The following TSHZ1 variants were observed in gnomAD, a reference collection of about 807,000 sequenced individuals.
TSHZ1 encodes teashirt zinc finger homeobox 1.
Under a neutral mutation model 67.1 loss-of-function variants are expected in TSHZ1, and 12 were observed. That is an observed-to-expected ratio of 0.18 (90% CI 0.11 to 0.29). TSHZ1 has a LOEUF of 0.29. TSHZ1 is among the 10% of genes least tolerant of loss of function. TSHZ1 has a pLI of 1.00. For synonymous variants in TSHZ1, 632 were observed against 622.4 expected, an observed-to-expected ratio of 1.02 and a Z score of -0.23; for missense variants, 1,305 against 1,413.9, an observed-to-expected ratio of 0.92 and a Z score of 1.23.
At chr18:75,271,950 C>T (rs1357885897) in intron 1 of TSHZ1, among the ~76,000 whole-genome samples, 1 of 152,198 alleles carries the variant, frequency 6.6e-6, no homozygotes, top group African/African-American at 2.4e-5. Flanking sequence ...TCTCCGCTCG[C>T]TTCCTGTAAA....
chr18:75,261,054 G>A (rs529619015), intron 1 of TSHZ1, among the ~76,000 whole-genome samples: 2 of 152,066 alleles, frequency 1.3e-5, no homozygotes, highest in African/African-American at 4.8e-5. Flanking sequence ...TATCACTTCC[G>A]CTCACGTTTC....
rs372370942 is a variant in TSHZ1, at chr18:75,286,187, A to G, written c.780A>G (p.Glu260=). The part of the protein sequence containing the change: ...DCSAAYDTLV[E]LTVHMNETGH... ...GTGCCGCGTACGACACGCTGGTGGA[A>G]CTGACGGTGCACATGAACGAGACAG... Residue 260 remains glutamate, a synonymous_variant, in exon 2 of 2, where the codon GAA becomes GAG. Transcript: ENST00000580243. The surrounding 1 kb of genome is among the most constrained non-coding windows in gnomAD (Gnocchi z 5.1). 294 of 1,613,992 alleles carry G rather than the reference A, an allele frequency of 1.8e-4. No individual in the cohort carries two copies. Among genetic ancestry groups the G allele is most frequent in the Non-Finnish European group, 2.4e-4 (284 of 1,180,024 alleles).
At chr18:75,278,630 G>T (rs1446641511) in intron 1 of TSHZ1, among the ~76,000 whole-genome samples, 3 of 152,050 alleles carry the variant, frequency 2.0e-5, no homozygotes, top group Non-Finnish European at 2.9e-5. Flanking sequence ...AAAGACCGGG[G>T]GTGGAGGGAG....
intron 1 of TSHZ1, among the ~76,000 whole-genome samples, chr18:75,239,216 A>G (rs557706823): frequency 3.0e-4 from 45 of 152,352 alleles, no homozygotes; most frequent in Admixed American, 7.8e-4. Context: ...GCATGTAGCA[A>G]TCCACCTCTG....
chr18:75,257,762 A>C (rs1378031580), intron 1 of TSHZ1, among the ~76,000 whole-genome samples: 1 of 152,158 alleles, frequency 6.6e-6, no homozygotes, highest in African/African-American at 2.4e-5. Flanking sequence ...CATGGATTCA[A>C]ACGCCAGTCG....
intron 1 of TSHZ1, chr18:75,283,870 G>A (rs1276579397): frequency 2.0e-5 from 3 of 152,186 alleles, no homozygotes; most frequent in Non-Finnish European, 4.4e-5. Flanking sequence ...CGGCCAAGAT[G>A]TTTTCTGTCC....
intron 1 of TSHZ1, among the ~76,000 whole-genome samples, chr18:75,252,475 T>A (rs2023317149): frequency 6.6e-6 from 1 of 152,200 alleles, no homozygotes; most frequent in South Asian, 2.1e-4. Flanking sequence ...AGTTGGTCCT[T>A]TCTTGCATAG....
At chr18:75,285,371 A>G (rs2023738060) in intron 1 of TSHZ1, 77 bp from the exon 2 acceptor site, 11 of 1,403,362 alleles carry the variant, frequency 7.8e-6, no homozygotes, top group Non-Finnish European at 1.0e-5. Context: ...CTTTTTAAAG[A>G]TCATCTAACT....
intron 1 of TSHZ1, among the ~76,000 whole-genome samples, chr18:75,266,412 AT>A (rs2023491327): frequency 6.6e-6 from 1 of 152,176 alleles, no homozygotes; most frequent in Non-Finnish European, 1.5e-5. Context: ...TGCAGATAAC[AT>A]AGGTCCCCAT....
rs116707844 is a variant in TSHZ1, at chr18:75,229,440, C to T, written c.40+17524C>T. On this transcript the variant is annotated intron_variant, in intron 1 of 1. Transcript: ENST00000580243. ...CCATGCAGGGGGACCCATCGGAGCACCTGTCTCTGTCTATGTGATTGCTCA... is the reference window on the plus strand; with the variant it reads ...CCATGCAGGGGGACCCATCGGAGCATCTGTCTCTGTCTATGTGATTGCTCA... Among the ~76,000 whole-genome samples the T allele has an allele frequency of 3.7e-3, 566 of 152,340 alleles. 4 individuals are homozygous for T. Among genetic ancestry groups the T allele is most frequent in the African/African-American group, 0.012 (516 of 41,572 alleles).
At chr18:75,257,220 G>A (rs978070506) in intron 1 of TSHZ1, among the ~76,000 whole-genome samples, 2 of 152,156 alleles carry the variant, frequency 1.3e-5, no homozygotes, top group African/African-American at 2.4e-5. Context: ...TCAAGGCCCC[G>A]AGTAGCATGT....
At position 75,286,786 on chromosome 18, in the gene TSHZ1, T is replaced by A; in HGVS notation, c.1379T>A (p.Val460Glu). 1 of 1,613,656 alleles carries A rather than the reference T, an allele frequency of 6.2e-7. No individual in the cohort carries two copies. Among genetic ancestry groups the A allele is most frequent in the Non-Finnish European group, 8.5e-7 (1 of 1,180,012 alleles). The change falls in exon 2 of 2, where the codon GTG becomes GAG. Residue 460 changes from valine to glutamate, a missense_variant. By Grantham distance (121) the Val-to-Glu change is moderately radical. Around this residue, in one of 3 missense-constraint regions of TSHZ1, gnomAD observed 909 missense variants for 961.8 expected, o/e 0.95. Coordinates refer to ENST00000580243, the MANE Select transcript of TSHZ1 (RefSeq NM_001308210.2). This position sits in a 1 kb window ranked among gnomAD's most constrained non-coding sequence, Gnocchi z 5.1. ...KKGKQLVLDP[V>E]VEEKIQSIPL... ...GGCAAGCAGTTGGTGCTGGACCCTG[T>A]GGTGGAAGAGAAGATCCAGTCCATC...
chr18:75,260,120 A>G (rs1177224004), intron 1 of TSHZ1, among the ~76,000 whole-genome samples: 2 of 152,252 alleles, frequency 1.3e-5, no homozygotes, highest in Non-Finnish European at 2.9e-5. Context: ...GAACGAATGC[A>G]CGAATGAGGG....
intron 1 of TSHZ1, among the ~76,000 whole-genome samples, chr18:75,270,363 A>G (rs763881927): frequency 3.9e-5 from 6 of 152,246 alleles, no homozygotes. Flanking sequence ...GTCCAGAGGA[A>G]GGGTTCAACA....
chr18:75,211,283 C>T lies in TSHZ1; in HGVS notation c.-594C>T, dbSNP rs1432007390. On this transcript the variant is annotated 5_prime_UTR_variant, in exon 1 of 2. Coordinates refer to ENST00000580243, the MANE Select transcript of TSHZ1 (RefSeq NM_001308210.2). ...TTCACTCCTCTGTCTTGTTTGCTTT[C>T]TTCCTCTTAGACTAAGTGCGGGGAG... 1 of 152,106 alleles carries T rather than the reference C, an allele frequency of 6.6e-6. No homozygotes were observed. The highest frequency in any genetic ancestry group is 1.9e-4 in the East Asian group (1 of 5,152). 9.4% of individuals were successfully genotyped at this position (152,106 alleles called of 1,614,324 possible).
intron 1 of TSHZ1, among the ~76,000 whole-genome samples, chr18:75,273,556 A>G (rs1193372592): frequency 6.6e-6 from 1 of 152,222 alleles, no homozygotes; most frequent in African/African-American, 2.4e-5. Context: ...TGCTAAAGGT[A>G]TGATGTTTGT....
At chr18:75,212,909 G>A (rs1400926954) in intron 1 of TSHZ1, among the ~76,000 whole-genome samples, 1 of 152,128 alleles carries the variant, frequency 6.6e-6, no homozygotes. Context: ...TGCGTTTGTG[G>A]GGCTGAGAAT....
At chr18:75,277,002 A>G (rs2023621030) in intron 1 of TSHZ1, among the ~76,000 whole-genome samples, 1 of 152,174 alleles carries the variant, frequency 6.6e-6, no homozygotes, top group Non-Finnish European at 1.5e-5. Context: ...AGAGCTCTTC[A>G]CAAGGAACAG....
intron 1 of TSHZ1, among the ~76,000 whole-genome samples, chr18:75,251,553 C>A (rs1172565811): frequency 3.0e-5 from 4 of 134,606 alleles, no homozygotes; most frequent in Non-Finnish European, 6.2e-5. Context: ...AACCTGTTTT[C>A]AAAATATATC....
Sources: allele counts gnomAD v4.1 joint callset (sites outside exome capture counted in the v4.1 genomes callset), GRCh38; gene constraint gnomAD v4.1.1; regional missense constraint gnomAD v4.1.1; non-coding constraint Gnocchi (gnomAD v3.1); transcripts MANE v1.5; gene names NCBI Gene and HGNC (gene_info 2026-07-23, HGNC 2026-07-21).